Variants in ST3GAL1 observed in about 807,000 individuals in gnomAD.
ST3GAL1 encodes the protein CMP-N-acetylneuraminate-beta-galactosamide-alpha-2,3-sialyltransferase 1.
ST3GAL1 carries 16 observed loss-of-function variants against 34.1 expected under a neutral mutation model. The ratio of observed to expected loss-of-function variants is 0.47; its 90% confidence interval spans 0.32 to 0.71. The LOEUF (loss-of-function observed/expected upper bound fraction) is 0.71, where lower values mean the gene tolerates loss of function less well. Ranked by LOEUF, ST3GAL1 falls within the 30% of genes least tolerant of loss-of-function variation. The pLI, the probability that ST3GAL1 is intolerant of heterozygous loss-of-function variation, is 0.04. For synonymous variants in ST3GAL1, 191 were observed against 184.7 expected (o/e 1.03, Z -0.28); for missense variants, 353 against 447.4 (o/e 0.79, Z 1.90).
At chr8:133,566,579 G>A (rs1033580399) in intron 1 of ST3GAL1, among the ~76,000 whole-genome samples, 23 of 152,082 alleles carry the variant, frequency 1.5e-4, no homozygotes, top group Non-Finnish European at 2.8e-4. Context: ...CCTGGCTCAC[G>A]GAAATGCAGG....
intron 2 of ST3GAL1, among the ~76,000 whole-genome samples, chr8:133,514,986 C>T (rs1175057305): frequency 6.6e-6 from 1 of 152,168 alleles, no homozygotes; most frequent in Non-Finnish European, 1.5e-5. Context: ...CCTCTTGCTG[C>T]CCAGACAAAC....
intron 2 of ST3GAL1, among the ~76,000 whole-genome samples, chr8:133,541,147 A>AGAGAGAGAGAGAGAGAGAGAGG (rs1209540597): frequency 4.5e-4 from 56 of 125,434 alleles, no homozygotes; most frequent in East Asian, 1.4e-3. Context: ...AGAGAGAGAG[A>AGAGAGAGAGAGAGAGAGAGAGG]GAGAGACTGT....
Position 133,475,923 on chromosome 8 carries a change from G to A in ST3GAL1, c.102C>T (p.Ala34=). ...CCATCTGCTTGGGGAACCAGGTGGT[G>A]GCCACCATGGTGTGGGAGTAGTTCA... ...FFLNYSHTMV[A]TTWFPKQMVL... is the part of the protein sequence containing the mutation. The change falls in exon 5 of 10, where the codon GCC becomes GCT. Residue 34 remains alanine, a synonymous_variant. Coordinates refer to ENST00000522652, the MANE Select transcript of ST3GAL1 (RefSeq NM_173344.3). The A allele has an allele frequency of 6.2e-7, 1 of 1,614,046 alleles. No individual in the cohort carries two copies.
chr8:133,538,035 G>A (rs1818357081), intron 2 of ST3GAL1, among the ~76,000 whole-genome samples: 1 of 152,230 alleles, frequency 6.6e-6, no homozygotes, highest in Non-Finnish European at 1.5e-5. Flanking sequence ...GGGAGGGGCT[G>A]CATTTGAGGG....
Position 133,483,052 on chromosome 8 carries a change from C to T in ST3GAL1, c.-373-6452G>A, listed in dbSNP as rs116866286. 9.9e-5 allele frequency among the ~76,000 whole-genome samples: 15 copies of T among 152,280 alleles called. No individual in the cohort carries two copies. The East Asian group carries it at 1.7e-3, about 18-fold the overall frequency. On this transcript the variant is annotated intron_variant, in intron 3 of 9. Coordinates refer to ENST00000522652, the MANE Select transcript of ST3GAL1 (RefSeq NM_173344.3). The stretch of plus-strand genomic sequence containing the variant: ...AATCTACAAAATAGGATTAAAAATG[C>T]TCACGCAGGCCGGGCATGGTGGCTC...
At chr8:133,509,601 G>A (rs1817445301) in intron 2 of ST3GAL1, among the ~76,000 whole-genome samples, 2 of 152,248 alleles carry the variant, frequency 1.3e-5, no homozygotes, top group South Asian at 4.1e-4. Flanking sequence ...CAGGCGGAGG[G>A]ACATGCCAGT....
rs1458491677 is a variant in ST3GAL1, at chr8:133,470,572, TGCC to T, written c.307-4485_307-4483del. 2.6e-5 allele frequency among the ~76,000 whole-genome samples: 4 copies of T among 152,352 alleles called. No individual in the cohort carries two copies. In the East Asian group the frequency reaches 7.7e-4, roughly 29 times the overall value. On this transcript the variant is annotated intron_variant, in intron 5 of 9. Transcript: ENST00000522652. Reference sequence around the variant, plus strand: ...ATACAATCAGCGCTCAATCAATGCCTGCCGCCTGGTGGCCTGAGCTCCTTGGGA... The same window carrying T: ...ATACAATCAGCGCTCAATCAATGCCTGCCTGGTGGCCTGAGCTCCTTGGGA...
intron 2 of ST3GAL1, among the ~76,000 whole-genome samples, chr8:133,500,954 C>A (rs905979546): frequency 5.3e-5 from 8 of 152,186 alleles, no homozygotes; most frequent in African/African-American, 1.9e-4. Context: ...TGGGAGGGCA[C>A]CAAGAACTTT....
At chr8:133,496,661 C>G (rs573830244) in intron 3 of ST3GAL1, among the ~76,000 whole-genome samples, 1 of 152,286 alleles carries the variant, frequency 6.6e-6, no homozygotes, top group African/African-American at 2.4e-5. Context: ...GAGGAGACAC[C>G]TGGCCCTGCT....
intron 8 of ST3GAL1, 58 bp from the exon 9 acceptor site, chr8:133,462,052 C>A (rs1255463948): frequency 1.9e-6 from 3 of 1,608,982 alleles, no homozygotes; most frequent in Non-Finnish European, 2.5e-6. Context: ...GGACATGGAG[C>A]GCCTGTCAGA....
At chr8:133,535,460 G>C (rs1443893903) in intron 2 of ST3GAL1, among the ~76,000 whole-genome samples, 4 of 151,754 alleles carry the variant, frequency 2.6e-5, no homozygotes, top group African/African-American at 9.7e-5. Context: ...CAAGTCTATT[G>C]GTGCCATTTT....
At chr8:133,524,451 A>G (rs1817901920) in intron 2 of ST3GAL1, among the ~76,000 whole-genome samples, 1 of 152,244 alleles carries the variant, frequency 6.6e-6, no homozygotes, top group Non-Finnish European at 1.5e-5. Context: ...TCACTTTGCC[A>G]GCCAGACACC....
intron 2 of ST3GAL1, among the ~76,000 whole-genome samples, chr8:133,511,792 G>C (rs1046113105): frequency 2.6e-5 from 4 of 152,204 alleles, no homozygotes. Flanking sequence ...GGTGGCTCAT[G>C]CCTGTAATCC....
intron 3 of ST3GAL1, among the ~76,000 whole-genome samples, chr8:133,483,265 CTGGGA>C (rs1389703842): frequency 1.3e-5 from 2 of 152,158 alleles, no homozygotes; most frequent in Non-Finnish European, 2.9e-5. Flanking sequence ...TCGCTTGAAC[CTGGGA>C]GGTGGAGGTT....
intron 1 of ST3GAL1, among the ~76,000 whole-genome samples, chr8:133,552,748 A>T (rs1372679718): frequency 6.6e-6 from 1 of 152,210 alleles, no homozygotes; most frequent in South Asian, 2.1e-4. Context: ...CTCATAATGA[A>T]GTGCCTTTCT....
Position 133,459,941 on chromosome 8 carries a change from T to G in ST3GAL1, c.850-4A>C. On this transcript the variant is annotated splice_region_variant and splice_polypyrimidine_tract_variant and intron_variant, in intron 9 of 9. Transcript: ENST00000522652. The surrounding 1 kb of genome is among the most constrained non-coding windows in gnomAD (Gnocchi z 4.7). ...CCCCGAAGCCGTACAAGTCCACCTG[T>G]GGGAGCAAAGCAAAGATGAGAACCA... 1.2e-6 allele frequency: 2 copies of G among 1,608,288 alleles called. No individual in the cohort carries two copies. The highest frequency in any genetic ancestry group is 1.7e-6 in the Non-Finnish European group (2 of 1,176,278).
Position 133,466,234 on chromosome 8 carries a change from T to TC in ST3GAL1, c.307-145dup. The TC allele has an allele frequency of 2.7e-6, 2 of 749,796 alleles. No homozygotes were observed. The highest frequency in any genetic ancestry group is 2.1e-6 in the Non-Finnish European group (1 of 468,408). 46.4% of individuals were successfully genotyped at this position (749,796 alleles called of 1,614,324 possible). On this transcript the variant is annotated intron_variant, in intron 5 of 9. Transcript: ENST00000522652. This position sits in a 1 kb window ranked among gnomAD's most constrained non-coding sequence, Gnocchi z 4.4. ...CTGGGCCCCCGGAGATGGAGGCGGC[T>TC]CACACACAGACACCTCCACTTCCTC...
intron 1 of ST3GAL1, among the ~76,000 whole-genome samples, chr8:133,569,127 G>T (rs1298167496): frequency 1.3e-5 from 2 of 152,192 alleles, no homozygotes; most frequent in Non-Finnish European, 2.9e-5. Flanking sequence ...TGGGTGGGGT[G>T]CTGTGGCCTC....
intron 3 of ST3GAL1, among the ~76,000 whole-genome samples, chr8:133,496,700 C>G (rs182389122): frequency 1.3e-5 from 2 of 152,162 alleles, no homozygotes; most frequent in Non-Finnish European, 2.9e-5. Context: ...GTTCCTAGAG[C>G]GCCTGGAGCC....
Sources: gnomAD v4.1 joint callset for allele counts (sites outside exome capture counted in the v4.1 genomes callset) on GRCh38, gnomAD v4.1.1 for gene constraint, Gnocchi (gnomAD v3.1) non-coding constraint, MANE v1.5 for transcripts, NCBI Gene and HGNC (gene_info 2026-07-23, HGNC 2026-07-21) for gene names.